The following SLC6A13 variants were observed in gnomAD, a reference collection of about 807,000 sequenced individuals.
SLC6A13 encodes sodium- and chloride-dependent GABA transporter 2.
In SLC6A13, 69 loss-of-function variants were observed where a neutral mutation model predicts 72.9. That is an observed-to-expected ratio of 0.95 (90% CI 0.78 to 1.16). The LOEUF (loss-of-function observed/expected upper bound fraction) is 1.16. Among genes scored for constraint, SLC6A13 ranks in the 50% most tolerant of loss-of-function variants. The pLI is 0.00. For synonymous variants in SLC6A13, 303 were observed against 303.0 expected (o/e 1.00, Z 0.00); for missense variants, 735 against 760.5 (o/e 0.97, Z 0.39).
chr12:221,241 A>G (rs1005263774), intron 14 of SLC6A13, 135 bp downstream of exon 14: 17 of 1,280,686 alleles, frequency 1.3e-5, no homozygotes, highest in Admixed American at 5.2e-5. Context: ...CAGCCACTCT[A>G]TCGCTCCCTG....
At position 221,500 on chromosome 12, in the gene SLC6A13, T is replaced by C. The variant is rs1461302871; in HGVS notation, c.1562A>G (p.Asn521Ser). The stretch of plus-strand genomic sequence containing the variant: ...CCACCACGGGTACGTGTACTTCTTG[T>C]TGTAGGTCAGCGGAGTGTACTTTAT... ...SLIKYTPLTY[N>S]KKYTYPWWGD... Residue 521 changes from asparagine (N) to serine (S), a missense_variant, in exon 14 of 15, where the codon AAC (asparagine) becomes AGC (serine). Asn to Ser is a conservative substitution (Grantham distance 46). Coordinates refer to ENST00000343164, the MANE Select transcript of SLC6A13 (RefSeq NM_016615.5). 6.2e-7 allele frequency: 1 copy of C among 1,613,292 alleles called. No individual in the cohort carries two copies. The highest frequency in any genetic ancestry group is 2.2e-5 in the East Asian group (1 of 44,868).
chr12:253,345 C>G (rs1387848647), intron 2 of SLC6A13: 1 of 152,270 alleles, frequency 6.6e-6, no homozygotes. Flanking sequence ...CGGCATGAGC[C>G]TGACCAACAG....
In SLC6A13 at chr12:259,447, G is replaced by A. The variant is rs185117885; in HGVS notation, c.202+404C>T. On this transcript the variant is annotated intron_variant, in intron 2 of 14. Transcript: ENST00000343164. ...CATCAGCAGAGCTACTATTTATTAA[G>A]TGCTTTACACACATTGTCTCTAATC... 3.2e-5 allele frequency: 37 copies of A among 1,152,168 alleles called. No individual in the cohort carries two copies. The East Asian group carries it at 1.3e-3, about 40-fold the overall frequency. 71.4% of individuals were successfully genotyped at this position (1,152,168 alleles called of 1,614,324 possible).
At chr12:247,110 CTAATG>C (rs1942383732) in intron 2 of SLC6A13, among the ~76,000 whole-genome samples, 1 of 150,466 alleles carries the variant, frequency 6.6e-6, no homozygotes, top group African/African-American at 2.4e-5. Context: ...TTCAAAAAGC[CTAATG>C]TAATGGGAGT....
In SLC6A13 at chr12:259,840, T is replaced by G. The variant is rs1449370453; in HGVS notation, c.202+11A>C. On this transcript the variant is annotated intron_variant, in intron 2 of 14. Coordinates refer to ENST00000343164, the MANE Select transcript of SLC6A13 (RefSeq NM_016615.5). ...GGAGTGGGTGGGGTGGCACAAGGGC[T>G]CTCATCTCACCTCCCCCATTTTTGT... The G allele has an allele frequency of 6.2e-7, 1 of 1,614,080 alleles. No individual in the cohort carries two copies. Among genetic ancestry groups the G allele is most frequent in the African/African-American group, 1.3e-5 (1 of 74,996 alleles).
rs764671540 is a variant in SLC6A13, at chr12:242,601, G to A, written c.478+13C>T. 3 of 1,612,150 alleles carry A rather than the reference G, an allele frequency of 1.9e-6. No homozygotes were observed. The highest frequency in any genetic ancestry group is 2.2e-5 in the East Asian group (1 of 44,832). On this transcript the variant is annotated intron_variant, in intron 4 of 14. Coordinates refer to ENST00000343164, the MANE Select transcript of SLC6A13 (RefSeq NM_016615.5). The stretch of plus-strand genomic sequence containing the variant: ...ACGAGAGGAGGAAGTGGACCCTTGG[G>A]TGAGGACCATACCTGTGTTCCACTC...
chr12:258,896 A>G, intron 2 of SLC6A13: 3 of 982,388 alleles, frequency 3.1e-6, no homozygotes, highest in Non-Finnish European at 3.6e-6. Flanking sequence ...GGGGCTGGGT[A>G]ATGGATGGCT....
chr12:258,334 C>T (rs1395370197), intron 2 of SLC6A13, among the ~76,000 whole-genome samples: 1 of 152,210 alleles, frequency 6.6e-6, no homozygotes, highest in Non-Finnish European at 1.5e-5. Context: ...TGTTCTCCCC[C>T]AGTTCCCACA....
At chr12:236,166 G>C (rs1291202780) in intron 6 of SLC6A13, among the ~76,000 whole-genome samples, 1 of 152,156 alleles carries the variant, frequency 6.6e-6, no homozygotes, top group Non-Finnish European at 1.5e-5. Flanking sequence ...TGTTCCCTCA[G>C]AAGCATGTGA....
intron 4 of SLC6A13, among the ~76,000 whole-genome samples, chr12:240,431 C>T (rs938564443): frequency 6.6e-6 from 1 of 152,226 alleles, no homozygotes; most frequent in Non-Finnish European, 1.5e-5. Context: ...TCTCAAACTC[C>T]TGAGCTGAGG....
intron 8 of SLC6A13, 100 bp from the exon 9 acceptor site, chr12:226,614 A>G: frequency 6.9e-7 from 1 of 1,447,296 alleles, no homozygotes; most frequent in Non-Finnish European, 9.3e-7. Flanking sequence ...CCTGGCGGAC[A>G]CTGTCCTGGC....
Position 226,525 on chromosome 12 carries a change from G to T in SLC6A13, c.936-11C>A. 1 of 1,612,926 alleles carries T rather than the reference G, an allele frequency of 6.2e-7. No homozygotes were observed. The highest frequency in any genetic ancestry group is 1.7e-5 in the Admixed American group (1 of 59,986). ...AGGGCGATGCAGTCCCTGTGGGGCAGGGGTGAGGAGAGGGCGGAATGGCAG... is the reference window on the plus strand; with the variant it reads ...AGGGCGATGCAGTCCCTGTGGGGCATGGGTGAGGAGAGGGCGGAATGGCAG... On this transcript the variant is annotated splice_polypyrimidine_tract_variant and intron_variant, in intron 8 of 14. Coordinates refer to ENST00000343164, the MANE Select transcript of SLC6A13 (RefSeq NM_016615.5).
chr12:247,867 A>G (rs1011190823), intron 2 of SLC6A13, among the ~76,000 whole-genome samples: 5 of 152,312 alleles, frequency 3.3e-5, no homozygotes, highest in African/African-American at 1.2e-4. Flanking sequence ...TTATATATAA[A>G]GTGGTACATT....
Position 235,213 on chromosome 12 carries a change from G to A in SLC6A13, c.708C>T (p.Phe236=). 1 of 1,614,222 alleles carries A rather than the reference G, an allele frequency of 6.2e-7. No individual in the cohort carries two copies. Among genetic ancestry groups the A allele is most frequent in the East Asian group, 2.2e-5 (1 of 44,886 alleles). The change falls in exon 7 of 15, where the codon TTC becomes TTT. Residue 236 remains phenylalanine, a synonymous_variant. Coordinates refer to ENST00000343164, the MANE Select transcript of SLC6A13 (RefSeq NM_016615.5). ...GCATGAGGTAAGGAAATGTGGCCGTGAAGTACACCACCTGGTCATGGGCAA... is the reference window on the plus strand; with the variant it reads ...GCATGAGGTAAGGAAATGTGGCCGTAAAGTACACCACCTGGTCATGGGCAA... ...GVKSTGKVVY[F]TATFPYLMLV... is the part of the protein sequence containing the mutation.
chr12:234,545 T>G (rs540419932), intron 7 of SLC6A13, among the ~76,000 whole-genome samples: 1 of 152,164 alleles, frequency 6.6e-6, no homozygotes, highest in South Asian at 2.1e-4. Flanking sequence ...AGAGACAGAG[T>G]CTCACTCTGT....
At chr12:250,575 T>C (rs1440539268) in intron 2 of SLC6A13, among the ~76,000 whole-genome samples, 2 of 152,036 alleles carry the variant, frequency 1.3e-5, no homozygotes, top group Non-Finnish European at 2.9e-5. Context: ...GGAATAAATC[T>C]GACAAAAGTT....
intron 3 of SLC6A13, 43 bp downstream of exon 3, chr12:243,636 C>G (rs1457374785): frequency 2.5e-6 from 4 of 1,589,378 alleles, no homozygotes; most frequent in Non-Finnish European, 1.7e-6. Context: ...AGGTTTATAA[C>G]CACGAATGAA....
In SLC6A13 at chr12:227,546, G is replaced by A; in HGVS notation, c.935+19C>T. 6.2e-7 allele frequency: 1 copy of A among 1,613,350 alleles called. No homozygotes were observed. The highest frequency in any genetic ancestry group is 1.1e-5 in the South Asian group (1 of 91,026). On this transcript the variant is annotated intron_variant, in intron 8 of 14. Transcript: ENST00000343164. ...AGAGAGATGCAGGTGTGTGGCTCAG[G>A]CCCCACGCCCCCAATCACCTGTAGC...
At position 221,045 on chromosome 12, in the gene SLC6A13, G is replaced by C. The variant is rs745307936; in HGVS notation, c.1712C>G (p.Ala571Gly). The C allele has an allele frequency of 7.5e-6, 12 of 1,610,036 alleles. No individual in the cohort carries two copies. The highest frequency in any genetic ancestry group is 1.6e-4 in the Middle Eastern group (1 of 6,064). ...RERIRQLMCP[A>G]EDLPQRNPAG... ...TGGGTTCCGCTGGGGCAGGTCCTCGGCTGGGCACATGAGCTGACGGATTCT... is the reference window on the plus strand; with the variant it reads ...TGGGTTCCGCTGGGGCAGGTCCTCGCCTGGGCACATGAGCTGACGGATTCT... Residue 571 changes from alanine (A) to glycine (G), a missense_variant, in exon 15 of 15, where the codon GCC becomes GGC. Coordinates refer to ENST00000343164, the MANE Select transcript of SLC6A13 (RefSeq NM_016615.5).
Sources: gnomAD v4.1 joint callset for allele counts (sites outside exome capture counted in the v4.1 genomes callset) on GRCh38, gnomAD v4.1.1 for gene constraint, MANE v1.5 for transcripts, NCBI Gene and HGNC (gene_info 2026-07-23, HGNC 2026-07-21) for gene names.